TIGD4: variants seen among roughly 807,000 people sequenced by gnomAD.
TIGD4 encodes tigger transposable element-derived protein 4.
TIGD4 carries 20 observed loss-of-function variants against 24.9 expected under a neutral mutation model. The ratio of observed to expected loss-of-function variants is 0.80; its 90% CI spans 0.56 to 1.17. The LOEUF is 1.17. TIGD4 is among the 50% of genes most tolerant of loss of function. TIGD4 has a pLI of 0.00. For missense variants in TIGD4, 566 were observed against 591.0 expected (o/e 0.96, Z 0.44); for synonymous variants, 193 against 211.0 (o/e 0.91, Z 0.74).
At chr4:152,774,244 T>C (rs1157701795) in intron 1 of TIGD4, among the ~76,000 whole-genome samples, 2 of 152,214 alleles carry the variant, frequency 1.3e-5, no homozygotes, top group Non-Finnish European at 2.9e-5. Flanking sequence ...CTTGAGAAAA[T>C]TGAAAATGTG....
intron 1 of TIGD4, among the ~76,000 whole-genome samples, chr4:152,776,912 G>A (rs1258760920): frequency 6.6e-6 from 1 of 152,132 alleles, no homozygotes; most frequent in Non-Finnish European, 1.5e-5. Context: ...GATAAATAAT[G>A]GGTTCATGAC....
chr4:152,770,807 G>A lies in TIGD4; in HGVS notation c.198C>T (p.Ala66=). 3 of 1,611,436 alleles carry A rather than the reference G, an allele frequency of 1.9e-6. No individual in the cohort carries two copies. The highest frequency in any genetic ancestry group is 2.5e-6 in the Non-Finnish European group (3 of 1,179,392). The change falls in exon 2 of 2, where the codon GCC becomes GCT. Residue 66 remains alanine, a synonymous_variant. Coordinates refer to ENST00000304337, the MANE Select transcript of TIGD4 (RefSeq NM_145720.4). ...IMKNKDKVLE[A]FESLRFDPKR... Reference sequence around the variant, plus strand: ...TTGGATCAAATCTTAGAGATTCAAAGGCTTCTAGAACTTTGTCTTTATTCT... The same window carrying A: ...TTGGATCAAATCTTAGAGATTCAAAAGCTTCTAGAACTTTGTCTTTATTCT...
Position 152,771,155 on chromosome 4 carries a change from A to G in TIGD4, c.-151T>C. On this transcript the variant is annotated 5_prime_UTR_variant, in exon 2 of 2. Coordinates refer to ENST00000304337, the MANE Select transcript of TIGD4 (RefSeq NM_145720.4). Reference sequence around the variant, plus strand: ...TGTCTAATAGTCTTATTTTGTAGGAACTTGATGACAAAATATGCTTTTTCA... The same window carrying G: ...TGTCTAATAGTCTTATTTTGTAGGAGCTTGATGACAAAATATGCTTTTTCA... The G allele has an allele frequency of 1.1e-6, 1 of 875,338 alleles. No individual in the cohort carries two copies. Among genetic ancestry groups the G allele is most frequent in the Non-Finnish European group, 1.6e-6 (1 of 621,142 alleles). The allele number at this position is 875,338 out of a possible 1,614,324, so 54.2% of individuals were successfully genotyped here. A position where few individuals can be genotyped will look rare whatever the true frequency, so the allele number is the denominator to read the frequency against.
intron 1 of TIGD4, among the ~76,000 whole-genome samples, chr4:152,779,057 C>CA (rs1440929986): frequency 6.6e-6 from 1 of 152,168 alleles, no homozygotes; most frequent in Non-Finnish European, 1.5e-5. Flanking sequence ...ACGGGGGAGC[C>CA]ACGCTTTCGC....
rs142278804 is a variant in TIGD4 at position 152,770,059 on chromosome 4, T to C, written c.946A>G (p.Ile316Val). The change falls in exon 2 of 2, where the codon ATA (isoleucine) becomes GTA (valine). Residue 316 changes from isoleucine to valine, a missense_variant. Ile to Val is a conservative substitution (Grantham distance 29). Coordinates refer to ENST00000304337, the MANE Select transcript of TIGD4 (RefSeq NM_145720.4). ...FFPSCLSSKC[I>V]AMKQGVIKSL... ...TTAATAACACCTTGTTTCATAGCTA[T>C]ACATTTGGAAGATAAACATGATGGA... is the stretch of plus-strand genomic sequence containing the variant. 150 of 1,613,806 alleles carry C rather than the reference T, an allele frequency of 9.3e-5. 1 individual carries two copies. In the Middle Eastern group the frequency reaches 1.5e-3, roughly 16 times the overall value.
chr4:152,772,398 T>C (rs1730192817), intron 1 of TIGD4, among the ~76,000 whole-genome samples: 1 of 152,206 alleles, frequency 6.6e-6, no homozygotes, highest in Admixed American at 6.5e-5. Context: ...CTCTGCTATT[T>C]AGTACTCATG....
Position 152,770,476 on chromosome 4 carries a change from T to A in TIGD4, c.529A>T (p.Lys177Ter), listed in dbSNP as rs1320854974. The change falls in exon 2 of 2, where the codon AAA (lysine) becomes TAA (stop). Residue 177 changes from lysine (K) to a stop codon, truncating the protein, a stop_gained. Transcript: ENST00000304337. LOFTEE classifies it high-confidence loss of function. The stretch of plus-strand genomic sequence containing the variant: ...GTCTCTTTTATATTAAAAACATTTT[T>A]AGGATGATAATCATTTAAATAATAA... ...LPYYLNDYHPKNVFNIKETGL... is the reference protein window; with the variant it reads ...LPYYLNDYHP 6 of 1,609,912 alleles carry A rather than the reference T, an allele frequency of 3.7e-6. No individual in the cohort carries two copies. In the Admixed American group the frequency reaches 8.4e-5, roughly 23 times the overall value.
intron 1 of TIGD4, among the ~76,000 whole-genome samples, chr4:152,772,252 T>G (rs1467388457): frequency 1.3e-5 from 2 of 151,880 alleles, no homozygotes; most frequent in African/African-American, 4.8e-5. Flanking sequence ...AAACAAACAA[T>G]TAGGAGAGTA....
chr4:152,771,120 T>C lies in TIGD4; in HGVS notation c.-116A>G. On this transcript the variant is annotated 5_prime_UTR_variant, in exon 2 of 2. Transcript: ENST00000304337. ...CTGCTTTCTATCCTACTTTATACAC[T>C]AAAAGTTGGTGTCTAATAGTCTTAT... 8.0e-7 allele frequency: 1 copy of C among 1,254,052 alleles called. No individual in the cohort carries two copies. The highest frequency in any genetic ancestry group is 1.1e-6 in the Non-Finnish European group (1 of 946,198). The allele number at this position is 1,254,052 out of a possible 1,614,324, so 77.7% of individuals were successfully genotyped here.
intron 1 of TIGD4, among the ~76,000 whole-genome samples, chr4:152,773,059 G>T (rs28697233): frequency 6.6e-6 from 1 of 152,020 alleles, no homozygotes; most frequent in African/African-American, 2.4e-5. Flanking sequence ...ACAGTCACAT[G>T]GCCCCAGATA....
At position 152,771,035 on chromosome 4, in the gene TIGD4, T is replaced by C. The variant is rs772817073; in HGVS notation, c.-31A>G. On this transcript the variant is annotated 5_prime_UTR_variant, in exon 2 of 2. Transcript: ENST00000304337. ...CCAGTGCTTATGTAGAGATTACTCTTCTTAACTTCCTGGTGACTGTTTCTT... is the reference window on the plus strand; with the variant it reads ...CCAGTGCTTATGTAGAGATTACTCTCCTTAACTTCCTGGTGACTGTTTCTT... 6.4e-7 allele frequency: 1 copy of C among 1,550,798 alleles called. No homozygotes were observed. The highest frequency in any genetic ancestry group is 1.2e-5 in the South Asian group (1 of 80,038).
intron 1 of TIGD4, among the ~76,000 whole-genome samples, chr4:152,774,062 C>T (rs371292229): frequency 9.8e-4 from 148 of 151,652 alleles, no homozygotes; most frequent in African/African-American, 3.4e-3. Context: ...CCCAATCCCT[C>T]CCTCTCTTCC....
Position 152,770,633 on chromosome 4 carries a change from A to G in TIGD4, c.372T>C (p.Asn124=). 1.2e-6 allele frequency: 2 copies of G among 1,603,154 alleles called. No homozygotes were observed. The highest frequency in any genetic ancestry group is 2.3e-5 in the South Asian group (2 of 88,466). ...ANDFAQKLGH[N]DFKCSNGWLD... ...GCCAACCATTACTGCACTTAAAATCATTATGGCCCAGTTTCTGGGCAAAAT... is the reference window on the plus strand; with the variant it reads ...GCCAACCATTACTGCACTTAAAATCGTTATGGCCCAGTTTCTGGGCAAAAT... The change falls in exon 2 of 2, where the codon AAT becomes AAC. Residue 124 remains asparagine, a synonymous_variant. Transcript: ENST00000304337.
At position 152,771,191 on chromosome 4, in the gene TIGD4, G is replaced by A; in HGVS notation, c.-187C>T. On this transcript the variant is annotated 5_prime_UTR_variant, in exon 2 of 2. Coordinates refer to ENST00000304337, the MANE Select transcript of TIGD4 (RefSeq NM_145720.4). The stretch of plus-strand genomic sequence containing the variant: ...AAATATGCTTTTTCAAAGATCTGAA[G>A]AAAAATATTATATGCAACTAGAATA... The A allele has an allele frequency of 3.2e-6, 2 of 633,824 alleles. No homozygotes were observed. Among genetic ancestry groups the A allele is most frequent in the African/African-American group, 1.9e-5 (1 of 52,306 alleles). The allele number at this position is 633,824 out of a possible 1,614,324, so 39.3% of individuals were successfully genotyped here.
Position 152,769,537 on chromosome 4 carries a change from C to A in TIGD4, c.1468G>T (p.Asp490Tyr). The change falls in exon 2 of 2, where the codon GAT (aspartate) becomes TAT (tyrosine). Residue 490 changes from aspartate to tyrosine, a missense_variant. Coordinates refer to ENST00000304337, the MANE Select transcript of TIGD4 (RefSeq NM_145720.4). ...GAATTTTGAAGTCCGTCATTCATAT[C>A]TTGACTTCTGAGAAATTTTTTCAGA... is the stretch of plus-strand genomic sequence containing the variant. ...DTLKKFLRSQ[D>Y]MNDGLQNSLA... 6.2e-7 allele frequency: 1 copy of A among 1,603,496 alleles called. No homozygotes were observed. Among genetic ancestry groups the A allele is most frequent in the East Asian group, 2.2e-5 (1 of 44,796 alleles).
rs747958077 is a variant in TIGD4 at position 152,770,000 on chromosome 4, G to A, written c.1005C>T (p.Ile335=). The A allele has an allele frequency of 1.9e-6, 3 of 1,610,104 alleles. No homozygotes were observed. The South Asian group carries it at 3.3e-5, about 18-fold the overall frequency. ...SLKIKYRHCL[I]KKFLSSVEGS... is the part of the protein sequence containing the mutation. ...CTTCAACAGAGCTTAAAAATTTCTTGATAAGACAGTGTCGATATTTGATTT... is the reference window on the plus strand; with the variant it reads ...CTTCAACAGAGCTTAAAAATTTCTTAATAAGACAGTGTCGATATTTGATTT... Residue 335 remains isoleucine (I), a synonymous_variant, in exon 2 of 2, where the codon ATC becomes ATT. Coordinates refer to ENST00000304337, the MANE Select transcript of TIGD4 (RefSeq NM_145720.4).
intron 1 of TIGD4, among the ~76,000 whole-genome samples, chr4:152,776,701 A>G (rs1304635541): frequency 6.6e-6 from 1 of 152,196 alleles, no homozygotes; most frequent in African/African-American, 2.4e-5. Context: ...AGCAGACAAC[A>G]TATTTCCATA....
chr4:152,775,194 T>G (rs1730241898), intron 1 of TIGD4, among the ~76,000 whole-genome samples: 1 of 152,186 alleles, frequency 6.6e-6, no homozygotes, highest in Non-Finnish European at 1.5e-5. Context: ...GGATTACAGG[T>G]GTGAGCCACC....
At chr4:152,772,319 C>T (rs946263646) in intron 1 of TIGD4, among the ~76,000 whole-genome samples, 7 of 151,724 alleles carry the variant, frequency 4.6e-5, no homozygotes, top group African/African-American at 9.7e-5. Flanking sequence ...CAAGTCTTAA[C>T]GTCTCAGGTC....
Sources: gnomAD v4.1 joint callset for allele counts (sites outside exome capture counted in the v4.1 genomes callset) on GRCh38, gnomAD v4.1.1 for gene constraint, MANE v1.5 for transcripts, NCBI Gene and HGNC (gene_info 2026-07-23, HGNC 2026-07-21) for gene names.